ZNF354A: variants seen among roughly 807,000 people sequenced by gnomAD.
ZNF354A encodes epididymis luminal protein 104.
ZNF354A carries 25 observed loss-of-function variants against 53.3 expected under a neutral mutation model. That is an observed-to-expected ratio of 0.47 (90% CI 0.34 to 0.66). The LOEUF is 0.66. Among genes scored for constraint, ZNF354A ranks in the 30% least tolerant of loss-of-function variants. The pLI is 0.01. For missense variants in ZNF354A, 586 were observed against 716.8 expected (o/e 0.82, Z 2.08); for synonymous variants, 228 against 249.0 (o/e 0.92, Z 0.79).
At chr5:178,715,307 T>C (rs769336821) in intron 4 of ZNF354A, among the ~76,000 whole-genome samples, 47 of 152,184 alleles carry the variant, frequency 3.1e-4, no homozygotes, top group Non-Finnish European at 5.0e-4. Flanking sequence ...ACATCTTGCT[T>C]TTCCCTTATT....
Position 178,712,258 on chromosome 5 carries a change from A to G in ZNF354A, c.1620T>C (p.His540=). The G allele has an allele frequency of 3.7e-6, 6 of 1,614,100 alleles. No individual in the cohort carries two copies. Among genetic ancestry groups the G allele is most frequent in the Non-Finnish European group, 5.1e-6 (6 of 1,179,986 alleles). The change falls in exon 5 of 5, where the codon CAT becomes CAC. Residue 540 remains histidine (H), a synonymous_variant. Transcript: ENST00000335815. ...SFGQSSALIQ[H]RRIHTGEKPF... is the part of the protein sequence containing the mutation. ...GTTTTTCTCCTGTATGAATCCTTCG[A>G]TGCTGAATAAGAGCTGAACTTTGGC... is the stretch of plus-strand genomic sequence containing the variant.
At position 178,723,130 on chromosome 5, in the gene ZNF354A, AGG is replaced by A. The variant is rs577642600; in HGVS notation, c.256+2244_256+2245del. The stretch of plus-strand genomic sequence containing the variant: ...AGACCACGTAGTGTATTTCTCCCAA[AGG>A]AGAGTTAAAAAGATAAACAAGTGTG... On this transcript the variant is annotated intron_variant, in intron 4 of 4. Coordinates refer to ENST00000335815, the MANE Select transcript of ZNF354A (RefSeq NM_005649.3). 1.4e-4 allele frequency among the ~76,000 whole-genome samples: 21 copies of A among 152,334 alleles called. No homozygotes were observed. In the South Asian group the frequency reaches 4.3e-3, roughly 32 times the overall value.
rs192302755 is a variant in ZNF354A at position 178,724,755 on chromosome 5, A to G, written c.256+621T>C. Among the ~76,000 whole-genome samples, 1,157 of 152,350 alleles carry G rather than the reference A, an allele frequency of 7.6e-3. 9 individuals are homozygous for G. The highest frequency in any genetic ancestry group is 0.011 in the Non-Finnish European group (756 of 68,038). ...GCTTATGTGCACATTACACATACAC[A>G]TAATTTTCATTAGACATAAATGGTG... On this transcript the variant is annotated intron_variant, in intron 4 of 4. Transcript: ENST00000335815.
At chr5:178,717,858 A>G (rs1220671689) in intron 4 of ZNF354A, among the ~76,000 whole-genome samples, 1 of 152,202 alleles carries the variant, frequency 6.6e-6, no homozygotes, top group Admixed American at 6.5e-5. Flanking sequence ...TTTGAGGACT[A>G]AAAACTTAAT....
At position 178,712,939 on chromosome 5, in the gene ZNF354A, A is replaced by G; in HGVS notation, c.939T>C (p.Leu313=). 1 of 1,614,118 alleles carries G rather than the reference A, an allele frequency of 6.2e-7. No individual in the cohort carries two copies. The highest frequency in any genetic ancestry group is 8.5e-7 in the Non-Finnish European group (1 of 1,180,012). Reference sequence around the variant, plus strand: ...CAGCATGAATTTTTTGATGTATAAAAAGGCCTGACCTTCGGCTGAAGGATT... The same window carrying G: ...CAGCATGAATTTTTTGATGTATAAAGAGGCCTGACCTTCGGCTGAAGGATT... ...CGKSFSRRSG[L]FIHQKIHAEE... Residue 313 remains leucine, a synonymous_variant, in exon 5 of 5, where the codon CTT becomes CTC. Transcript: ENST00000335815.
intron 4 of ZNF354A, 110 bp downstream of exon 4, chr5:178,725,265 CT>C: frequency 9.3e-7 from 1 of 1,072,858 alleles, no homozygotes; most frequent in Admixed American, 1.8e-5. Flanking sequence ...TTCCCCATCA[CT>C]TCTTGAGGCC....
rs775661232 is a variant in ZNF354A at position 178,712,864 on chromosome 5, G to A, written c.1014C>T (p.Ser338=). The A allele has an allele frequency of 4.3e-6, 7 of 1,614,068 alleles. No individual in the cohort carries two copies. Among genetic ancestry groups the A allele is most frequent in the Non-Finnish European group, 5.9e-6 (7 of 1,180,006 alleles). Residue 338 remains serine (S), a synonymous_variant, in exon 5 of 5, where the codon AGC becomes AGT. Transcript: ENST00000335815. ...TTCTTTGACATCCAGAAAGGGATGT[G>A]CTGCAACTAGATGCCTTCCTACCCG... The part of the protein sequence containing the change: ...YNPGRKASSC[S]TSLSGCQRIH...
At position 178,727,182 on chromosome 5, in the gene ZNF354A, C is replaced by T. The variant is rs73804467; in HGVS notation, c.34-57G>A. On this transcript the variant is annotated intron_variant, in intron 2 of 4. Transcript: ENST00000335815. ...GACCACCCTCACAGAGCAGAGGGGGCGGCAGTGGGAAAGACACGCTACCCG... is the reference window on the plus strand; with the variant it reads ...GACCACCCTCACAGAGCAGAGGGGGTGGCAGTGGGAAAGACACGCTACCCG... 773 of 1,510,956 alleles carry T rather than the reference C, an allele frequency of 5.1e-4. 2 individuals carry two copies. In the African/African-American group the frequency reaches 9.2e-3, roughly 18 times the overall value. 93.6% of individuals were successfully genotyped at this position (1,510,956 alleles called of 1,614,324 possible).
intron 3 of ZNF354A, chr5:178,726,241 G>T: frequency 2.2e-6 from 1 of 453,674 alleles, no homozygotes; most frequent in Non-Finnish European, 4.4e-6. Context: ...TGCAAAGAAT[G>T]GTGGGAAAAA....
chr5:178,714,626 T>C (rs971693333), intron 4 of ZNF354A, among the ~76,000 whole-genome samples: 2 of 152,248 alleles, frequency 1.3e-5, no homozygotes, highest in African/African-American at 4.8e-5. Context: ...ACTCCAATTA[T>C]ATACAAAAGT....
chr5:178,723,636 A>G (rs1765851980), intron 4 of ZNF354A, among the ~76,000 whole-genome samples: 2 of 151,910 alleles, frequency 1.3e-5, no homozygotes, highest in Admixed American at 6.5e-5. Context: ...CGTGGTCCTC[A>G]CTGGAATGTG....
chr5:178,726,958 C>T, intron 3 of ZNF354A, 41 bp downstream of exon 3: 1 of 1,578,004 alleles, frequency 6.3e-7, no homozygotes, highest in Non-Finnish European at 8.6e-7. Flanking sequence ...CTGAGATATC[C>T]CAATTTTTGA....
intron 1 of ZNF354A, among the ~76,000 whole-genome samples, chr5:178,730,076 A>G (rs1294527044): frequency 2.0e-5 from 3 of 151,548 alleles, no homozygotes. Flanking sequence ...CGTGTTAGTC[A>G]GGATGGTCTC....
chr5:178,726,821 G>A (rs143101181), intron 3 of ZNF354A, among the ~76,000 whole-genome samples, 178 bp downstream of exon 3: 241 of 152,276 alleles, frequency 1.6e-3, no homozygotes, highest in Non-Finnish European at 3.2e-3. Flanking sequence ...CAGACACAGG[G>A]CAATTTCATG....
At chr5:178,715,162 C>T (rs1427662391) in intron 4 of ZNF354A, among the ~76,000 whole-genome samples, 2 of 152,212 alleles carry the variant, frequency 1.3e-5, no homozygotes, top group African/African-American at 4.8e-5. Flanking sequence ...AACGGTTATG[C>T]ACATAGTCTT....
intron 4 of ZNF354A, among the ~76,000 whole-genome samples, chr5:178,716,029 T>C (rs927120679): frequency 2.6e-5 from 4 of 151,750 alleles, no homozygotes; most frequent in Admixed American, 2.6e-4. Context: ...CCTAAGTAGC[T>C]GGGATTACAG....
In ZNF354A at chr5:178,711,770, C is replaced by T; in HGVS notation, c.*290G>A. ...TTTCTGATGATCACGTGACATCTAGCATATACGTCTGTAGGAAAAGGGAAA... is the reference window on the plus strand; with the variant it reads ...TTTCTGATGATCACGTGACATCTAGTATATACGTCTGTAGGAAAAGGGAAA... On this transcript the variant is annotated 3_prime_UTR_variant, in exon 5 of 5. Transcript: ENST00000335815. 3.8e-6 allele frequency: 1 copy of T among 263,848 alleles called. No homozygotes were observed. Among genetic ancestry groups the T allele is most frequent in the Non-Finnish European group, 7.2e-6 (1 of 138,844 alleles). The allele number at this position is 263,848 out of a possible 1,614,324, so 16.3% of individuals were successfully genotyped here. A position where few individuals can be genotyped will look rare whatever the true frequency, so the allele number is the denominator to read the frequency against.
rs749493415 is a variant in ZNF354A, at chr5:178,713,344, C to T, written c.534G>A (p.Gln178=). The change falls in exon 5 of 5, where the codon CAG becomes CAA. Residue 178 remains glutamine, a synonymous_variant. Coordinates refer to ENST00000335815, the MANE Select transcript of ZNF354A (RefSeq NM_005649.3). ...FSPKSVLIRQ[Q]ILPREKTPPK... is the part of the protein sequence containing the mutation. ...GTGGTGTTTTTTCTCTGGGAAGTAT[C>T]TGTTGCCTAATAAGCACTGACTTTG... 6.2e-7 allele frequency: 1 copy of T among 1,614,146 alleles called. No individual in the cohort carries two copies. The highest frequency in any genetic ancestry group is 8.5e-7 in the Non-Finnish European group (1 of 1,180,018).
chr5:178,726,046 G>T, intron 3 of ZNF354A: 2 of 382,726 alleles, frequency 5.2e-6, no homozygotes, highest in South Asian at 3.7e-5. Flanking sequence ...GTTTCACCAT[G>T]TTGGCCAGGA....
Sources: gnomAD v4.1 joint callset for allele counts (sites outside exome capture counted in the v4.1 genomes callset) on GRCh38, gnomAD v4.1.1 for gene constraint, MANE v1.5 for transcripts, NCBI Gene and HGNC (gene_info 2026-07-23, HGNC 2026-07-21) for gene names.